NCKAP5: variants seen among roughly 807,000 people sequenced by gnomAD.
The protein encoded by NCKAP5 is nck-associated protein 5.
NCKAP5 carries 92 observed loss-of-function variants against 167.0 expected under a neutral mutation model. That is an observed-to-expected ratio of 0.55 (90% CI 0.47 to 0.66). The LOEUF (loss-of-function observed/expected upper bound fraction) is 0.66, where lower values mean the gene tolerates loss of function less well. NCKAP5 is among the 30% of genes least tolerant of loss of function. NCKAP5 has a pLI of 0.00. For missense variants in NCKAP5, 2,378 were observed against 2,315.0 expected (o/e 1.03, Z -0.56); for synonymous variants, 891 against 877.4 (o/e 1.02, Z -0.27).
chr2:133,276,707 T>C (rs2089744539), intron 4 of NCKAP5, among the ~76,000 whole-genome samples: 1 of 152,090 alleles, frequency 6.6e-6, no homozygotes, highest in African/African-American at 2.4e-5. Flanking sequence ...AAATATAGCA[T>C]TGATAATTTA....
At chr2:133,186,928 A>G (rs1232483207) in intron 5 of NCKAP5, among the ~76,000 whole-genome samples, 1 of 151,356 alleles carries the variant, frequency 6.6e-6, no homozygotes, top group African/African-American at 2.4e-5. Context: ...TTTCTTTTTT[A>G]CAATTTTTTT....
At chr2:133,371,455 CA>C (rs556889888) in intron 3 of NCKAP5, among the ~76,000 whole-genome samples, 11 of 152,148 alleles carry the variant, frequency 7.2e-5, no homozygotes, top group Non-Finnish European at 1.5e-4. Flanking sequence ...TGTGAAATAA[CA>C]TAACTCATGG....
chr2:133,171,201 G>T, intron 5 of NCKAP5, among the ~76,000 whole-genome samples: 1 of 152,104 alleles, frequency 6.6e-6, no homozygotes, highest in East Asian at 1.9e-4. Context: ...TTCATACTGT[G>T]ACATGAAACC....
chr2:132,782,642 G>A lies in NCKAP5; in HGVS notation c.4169C>T (p.Ala1390Val), dbSNP rs768340592. 7 of 1,608,660 alleles carry A rather than the reference G, an allele frequency of 4.4e-6. No individual in the cohort carries two copies. Among genetic ancestry groups the A allele is most frequent in the Non-Finnish European group, 5.9e-6 (7 of 1,177,382 alleles). Reference sequence around the variant, plus strand: ...ACTGGGGCACTCTCCCTGGGTGAAGGCCTGCTGGTCTTCCTTTCCAGGTGG... The same window carrying A: ...ACTGGGGCACTCTCCCTGGGTGAAGACCTGCTGGTCTTCCTTTCCAGGTGG... Reference protein sequence around the residue: ...LIPPGKEDQQAFTQGECPSAN... With the variant: ...LIPPGKEDQQVFTQGECPSAN... Residue 1390 changes from alanine (A) to valine (V), a missense_variant, in exon 14 of 20, where the codon GCC (alanine) becomes GTC (valine). By Grantham distance (64) the Ala-to-Val change is moderately conservative. Coordinates refer to ENST00000409261, the MANE Select transcript of NCKAP5 (RefSeq NM_207363.3).
intron 8 of NCKAP5, among the ~76,000 whole-genome samples, chr2:132,902,006 C>A (rs1693665696): frequency 6.6e-6 from 1 of 152,190 alleles, no homozygotes; most frequent in African/African-American, 2.4e-5. Flanking sequence ...CTACTAGTTT[C>A]ACAGCATTTG....
At position 132,837,804 on chromosome 2, in the gene NCKAP5, T is replaced by C. The variant is rs6740768; in HGVS notation, c.807+22688A>G. Among the ~76,000 whole-genome samples the C allele has an allele frequency of 7.6e-3, 1,155 of 152,260 alleles. 14 individuals are homozygous for C. Among genetic ancestry groups the C allele is most frequent in the African/African-American group, 0.025 (1,054 of 41,540 alleles). ...TCCTGGCTGGACTTCATTGAGAATG[T>C]GGGGAGCTGACTTCCCACTGGGGAG... On this transcript the variant is annotated intron_variant, in intron 11 of 19. Transcript: ENST00000409261.
intron 4 of NCKAP5, among the ~76,000 whole-genome samples, chr2:133,220,054 T>G (rs1365666467): frequency 6.6e-6 from 1 of 152,202 alleles, no homozygotes; most frequent in Non-Finnish European, 1.5e-5. Context: ...AACAGCTTTG[T>G]GTAGAAAATA....
chr2:133,623,936 T>A, the NCKAP5 span, among the ~76,000 whole-genome samples: 1 of 152,122 alleles, frequency 6.6e-6, no homozygotes, highest in African/African-American at 2.4e-5. Context: ...ATATGGTATA[T>A]ATATAATGGA....
At chr2:133,521,018 A>G (rs1684429270) in intron 2 of NCKAP5, among the ~76,000 whole-genome samples, 1 of 152,194 alleles carries the variant, frequency 6.6e-6, no homozygotes, top group Admixed American at 6.5e-5. Context: ...AAATTTATCC[A>G]AGTGGATCAA....
At chr2:133,341,615 G>T (rs907695381) in intron 3 of NCKAP5, among the ~76,000 whole-genome samples, 1 of 152,036 alleles carries the variant, frequency 6.6e-6, no homozygotes, top group Non-Finnish European at 1.5e-5. Flanking sequence ...ATAATTTAAG[G>T]TTATCCATAT....
At chr2:133,466,327 C>T (rs371092538) in intron 3 of NCKAP5, among the ~76,000 whole-genome samples, 9,927 of 145,272 alleles carry the variant, frequency 0.068, 334 homozygotes, top group African/African-American at 0.11. Context: ...TGTAGATATG[C>T]GGCATTATTT....
At chr2:133,522,439 T>G (rs1684550960) in intron 2 of NCKAP5, among the ~76,000 whole-genome samples, 1 of 152,194 alleles carries the variant, frequency 6.6e-6, no homozygotes, top group Non-Finnish European at 1.5e-5. Flanking sequence ...AAGCCTTCCT[T>G]GGGAAATACC....
intron 3 of NCKAP5, among the ~76,000 whole-genome samples, chr2:133,458,674 A>G (rs1449805329): frequency 1.3e-5 from 2 of 152,146 alleles, no homozygotes; most frequent in East Asian, 1.9e-4. Flanking sequence ...TTGTTGTTAT[A>G]TACACCTCCA....
At chr2:133,164,515 T>C (rs547360912) in intron 5 of NCKAP5, among the ~76,000 whole-genome samples, 1 of 152,360 alleles carries the variant, frequency 6.6e-6, no homozygotes, top group African/African-American at 2.4e-5. Flanking sequence ...TATTATTATG[T>C]AGTCTTGTTG....
intron 8 of NCKAP5, among the ~76,000 whole-genome samples, chr2:132,962,006 C>G (rs2076526990): frequency 1.3e-5 from 2 of 152,130 alleles, no homozygotes; most frequent in Non-Finnish European, 2.9e-5. Context: ...AGAATGAGAA[C>G]CCTTGGGGAG....
At chr2:133,126,166 CCTAA>C (rs761897181) in intron 6 of NCKAP5, among the ~76,000 whole-genome samples, 24 of 152,184 alleles carry the variant, frequency 1.6e-4, no homozygotes, top group Non-Finnish European at 2.6e-4. Flanking sequence ...CCCACGTGTA[CCTAA>C]CTGTCCCAGC....
chr2:132,773,732 G>T, intron 16 of NCKAP5, 84 bp downstream of exon 16: 1 of 1,079,628 alleles, frequency 9.3e-7, no homozygotes, highest in Non-Finnish European at 1.4e-6. Flanking sequence ...GAGGGACATG[G>T]TCTCTAGGAA....
chr2:132,893,001 A>AG (rs1358258012), intron 8 of NCKAP5, among the ~76,000 whole-genome samples: 2 of 132,658 alleles, frequency 1.5e-5, no homozygotes, highest in African/African-American at 8.0e-5. Flanking sequence ...AAAGCTGAAA[A>AG]AAAAAAAAAA....
chr2:133,465,682 C>A (rs1291879572), intron 3 of NCKAP5, among the ~76,000 whole-genome samples: 6 of 152,022 alleles, frequency 3.9e-5, no homozygotes, highest in African/African-American at 7.2e-5. Flanking sequence ...TGTTTCCTGA[C>A]TTTTTAATGA....
Sources: gnomAD v4.1 joint callset for allele counts (sites outside exome capture counted in the v4.1 genomes callset) on GRCh38, gnomAD v4.1.1 for gene constraint, MANE v1.5 for transcripts, NCBI Gene and HGNC (gene_info 2026-07-23, HGNC 2026-07-21) for gene names.